The following P2RY12 variants were observed in gnomAD, a reference collection of about 807,000 sequenced individuals.
P2RY12 encodes the protein purinergic receptor P2Y12.
Under a neutral mutation model 4.5 loss-of-function variants are expected in P2RY12, and 3 were observed. The ratio of observed to expected loss-of-function variants is 0.67; its 90% CI spans 0.31 to 1.74. The LOEUF (loss-of-function observed/expected upper bound fraction) is 1.74, where lower values mean the gene tolerates loss of function less well. Among genes scored for constraint, P2RY12 ranks in the 40% most tolerant of loss-of-function variants. The probability of loss-of-function intolerance (pLI) is 0.09; values close to 1 mark genes in which losing one functional copy is unlikely to be tolerated. For missense variants in P2RY12, 356 were observed against 407.8 expected (o/e 0.87, Z 1.09); for synonymous variants, 148 against 154.1 (o/e 0.96, Z 0.29).
At chr3:151,357,251 C>A (rs139296837) in intron 1 of P2RY12, 12 of 1,613,320 alleles carry the variant, frequency 7.4e-6, no homozygotes, top group Middle Eastern at 3.3e-4. Flanking sequence ...CTGAACTGCT[C>A]CTAAAATCCT....
chr3:151,357,163 C>G (rs377013265), intron 1 of P2RY12: 3 of 1,420,948 alleles, frequency 2.1e-6, no homozygotes, highest in South Asian at 1.4e-5. Context: ...AATGTTTTCT[C>G]TATTTGTTTT....
rs551630624 is a variant in P2RY12, at chr3:151,337,898, G to T, written c.948C>A (p.Pro316=). ...RNSLISMLKC[P]NSATSLSQDN... ...CCTGGGACAGAGATGTTGCAGAATTGGGGCACTTCAGCATACTTATCAAGG... is the reference window on the plus strand; with the variant it reads ...CCTGGGACAGAGATGTTGCAGAATTTGGGCACTTCAGCATACTTATCAAGG... The change falls in exon 3 of 3, where the codon CCC becomes CCA. Residue 316 remains proline (P), a synonymous_variant. Transcript: ENST00000302632. The T allele has an allele frequency of 6.2e-7, 1 of 1,614,030 alleles. No individual in the cohort carries two copies. Among genetic ancestry groups the T allele is most frequent in the African/African-American group, 1.3e-5 (1 of 75,026 alleles).
At chr3:151,367,532 T>A in intron 1 of P2RY12, 1 of 889,872 alleles carries the variant, frequency 1.1e-6, no homozygotes. Flanking sequence ...CCTCTGCTGG[T>A]TCATGTTGGG....
intron 1 of P2RY12, among the ~76,000 whole-genome samples, chr3:151,354,696 A>T (rs1384423498): frequency 6.6e-6 from 1 of 152,236 alleles, no homozygotes; most frequent in Non-Finnish European, 1.5e-5. Context: ...GTGGTACAGT[A>T]ACACATTGGA....
chr3:151,376,361 C>A, intron 1 of P2RY12: 1 of 645,172 alleles, frequency 1.5e-6, no homozygotes, highest in Non-Finnish European at 2.4e-6. Flanking sequence ...AATTGACATA[C>A]TTTATTTTTG....
intron 2 of P2RY12, 46 bp from the exon 3 acceptor site, chr3:151,338,905 A>G: frequency 1.9e-6 from 3 of 1,546,380 alleles, no homozygotes; most frequent in Non-Finnish European, 2.7e-6. Flanking sequence ...TAAGGTAGTT[A>G]TTATTGCTGT....
intron 1 of P2RY12, chr3:151,367,556 T>C: frequency 4.3e-6 from 5 of 1,176,030 alleles, no homozygotes; most frequent in South Asian, 1.8e-5. Flanking sequence ...TGAGATCTTA[T>C]TGGTATTGCC....
intron 1 of P2RY12, chr3:151,377,138 A>T (rs1468671651): frequency 6.2e-7 from 1 of 1,613,912 alleles, no homozygotes; most frequent in East Asian, 2.2e-5. Flanking sequence ...AAGTGCTGAT[A>T]CAAGTAGCAC....
At chr3:151,340,055 A>G (rs1342411652) in intron 2 of P2RY12, among the ~76,000 whole-genome samples, 1 of 152,154 alleles carries the variant, frequency 6.6e-6, no homozygotes, top group South Asian at 2.1e-4. Flanking sequence ...TTATGGAAGG[A>G]AAACGATTAA....
chr3:151,364,965 T>G, intron 1 of P2RY12: 1 of 1,584,192 alleles, frequency 6.3e-7, no homozygotes, highest in Non-Finnish European at 8.7e-7. Flanking sequence ...TAACTTTTTT[T>G]CTTATAACCT....
rs1755139421 is a variant in P2RY12 at position 151,365,259 on chromosome 3, T to C, written c.-180+19433A>G. Reference sequence around the variant, plus strand: ...ATTAACCAAAGAGTTGTTGCCTTGGTGCTTCTTTGAAATTGATGTCGTTAG... The same window carrying C: ...ATTAACCAAAGAGTTGTTGCCTTGGCGCTTCTTTGAAATTGATGTCGTTAG... On this transcript the variant is annotated intron_variant, in intron 1 of 2. Transcript: ENST00000302632. 3 of 1,466,296 alleles carry C rather than the reference T, an allele frequency of 2.0e-6. No individual in the cohort carries two copies. The Admixed American group carries it at 5.0e-5, about 25-fold the overall frequency. 90.8% of individuals were successfully genotyped at this position (1,466,296 alleles called of 1,614,324 possible).
At chr3:151,378,372 A>G (rs1183691341) in intron 1 of P2RY12, among the ~76,000 whole-genome samples, 1 of 152,154 alleles carries the variant, frequency 6.6e-6, no homozygotes, top group East Asian at 1.9e-4. Flanking sequence ...TTAGTTCTCA[A>G]TTCTGCCTTT....
In P2RY12 at chr3:151,353,913, G is replaced by A. The variant is rs561473624; in HGVS notation, c.-179-13153C>T. Among the ~76,000 whole-genome samples the A allele has an allele frequency of 3.8e-4, 57 of 151,884 alleles. No individual in the cohort carries two copies. The East Asian group carries it at 6.8e-3, about 18-fold the overall frequency. The stretch of plus-strand genomic sequence containing the variant: ...TCCCAGCACTTTGGGAGGCCGAGGC[G>A]GGCGGATCACGAGGTCAGGAGATCG... On this transcript the variant is annotated intron_variant, in intron 1 of 2. Coordinates refer to ENST00000302632, the MANE Select transcript of P2RY12 (RefSeq NM_022788.5).
At chr3:151,377,951 A>G in intron 1 of P2RY12, 2 of 1,462,592 alleles carry the variant, frequency 1.4e-6, no homozygotes, top group Non-Finnish European at 1.8e-6. Context: ...AGTTTCTGTT[A>G]TAACTGTGAG....
chr3:151,354,106 A>T (rs1421299145), intron 1 of P2RY12, among the ~76,000 whole-genome samples: 1 of 127,574 alleles, frequency 7.8e-6, no homozygotes, highest in Non-Finnish European at 1.6e-5. Context: ...CCGCCACTGC[A>T]CTCCAGCCTG....
intron 1 of P2RY12, among the ~76,000 whole-genome samples, chr3:151,369,747 T>C (rs1755953602): frequency 6.6e-6 from 1 of 152,186 alleles, no homozygotes; most frequent in African/African-American, 2.4e-5. Flanking sequence ...CTAGTGTCTC[T>C]GGGGGAACTT....
At position 151,338,345 on chromosome 3, in the gene P2RY12, C is replaced by T. The variant is rs368508157; in HGVS notation, c.501G>A (p.Pro167=). ...AGCATTTCTTCACATTCTTGTCTCT[C>T]GGCTGCCTGTTGGTCAGAATCATGT... ...LPNMILTNRQ[P]RDKNVKKCSF... Residue 167 remains proline (P), a synonymous_variant, in exon 3 of 3, where the codon CCG becomes CCA. Coordinates refer to ENST00000302632, the MANE Select transcript of P2RY12 (RefSeq NM_022788.5). 2.1e-5 allele frequency: 34 copies of T among 1,613,998 alleles called. No individual in the cohort carries two copies. In the African/African-American group the frequency reaches 2.9e-4, roughly 14 times the overall value.
chr3:151,374,903 C>T (rs879787291), intron 1 of P2RY12, among the ~76,000 whole-genome samples: 3 of 152,042 alleles, frequency 2.0e-5, no homozygotes, highest in Non-Finnish European at 4.4e-5. Context: ...TTTATTCTCC[C>T]TCCCATATAT....
intron 1 of P2RY12, chr3:151,360,328 GT>G: frequency 2.9e-6 from 2 of 684,308 alleles, no homozygotes; most frequent in Non-Finnish European, 4.9e-6. Context: ...ATTGTACTGA[GT>G]TATTTACTAT....
Sources: gnomAD v4.1 joint callset for allele counts (sites outside exome capture counted in the v4.1 genomes callset) on GRCh38, gnomAD v4.1.1 for gene constraint, MANE v1.5 for transcripts, NCBI Gene and HGNC (gene_info 2026-07-23, HGNC 2026-07-21) for gene names.